Variants in TSNARE1 observed in about 807,000 individuals in gnomAD.
TSNARE1 encodes t-SNARE domain-containing protein 1.
Under a neutral mutation model 62.0 loss-of-function variants are expected in TSNARE1, and 49 were observed. The observed-to-expected ratio is 0.79, with a 90% CI of 0.63 to 1.00. TSNARE1 has a LOEUF of 1.00. TSNARE1 is among the 50% of genes least tolerant of loss of function. TSNARE1 has a pLI of 0.00. For missense variants in TSNARE1, 755 were observed against 700.1 expected (o/e 1.08, Z -0.88); for synonymous variants, 328 against 294.4 (o/e 1.11, Z -1.17).
chr8:142,280,310 T>C (rs1821206358), intron 11 of TSNARE1: 1 of 985,334 alleles, frequency 1.0e-6, no homozygotes. Context: ...CAGATGGCTT[T>C]GCTGCTGCTG....
At chr8:142,233,726 C>T (rs910817755) in intron 12 of TSNARE1, among the ~76,000 whole-genome samples, 6 of 152,156 alleles carry the variant, frequency 3.9e-5, no homozygotes, top group Non-Finnish European at 8.8e-5. Context: ...TTTTGGAAGG[C>T]GGCTTGCTCC....
chr8:142,320,552 T>C (rs868385989), intron 6 of TSNARE1, among the ~76,000 whole-genome samples: 10 of 146,546 alleles, frequency 6.8e-5, no homozygotes, highest in Non-Finnish European at 1.4e-4. Context: ...TGGCCTCCTG[T>C]ACCTGCAACT....
At chr8:142,256,709 G>C (rs1818603490) in intron 12 of TSNARE1, among the ~76,000 whole-genome samples, 1 of 152,070 alleles carries the variant, frequency 6.6e-6, no homozygotes, top group South Asian at 2.1e-4. Flanking sequence ...TTACAGGAGA[G>C]CGCAATGAGG....
intron 12 of TSNARE1, among the ~76,000 whole-genome samples, chr8:142,256,365 CATCATCA>C (rs1818563973): frequency 7.0e-6 from 1 of 143,184 alleles, no homozygotes; most frequent in African/African-American, 2.6e-5. Flanking sequence ...TTATCACCAC[CATCATCA>C]CCACCATCAT....
Position 142,318,553 on chromosome 8 carries a change from G to C in TSNARE1, c.975C>G (p.Ser325Arg). The change falls in exon 7 of 14, where the codon AGC becomes AGG. Residue 325 changes from serine (S) to arginine (R), a missense_variant. Physicochemically the swap from Ser to Arg is moderately radical, Grantham distance 110 (BLOSUM62 -1). Coordinates refer to ENST00000524325, the MANE Select transcript of TSNARE1 (RefSeq NM_145003.5). Reference sequence around the variant, plus strand: ...GACCCCAGGAACATACCGGGCAGGAGCTGCGCAGCAGCTCGGCCATCTGCT... The same window carrying C: ...GACCCCAGGAACATACCGGGCAGGACCTGCGCAGCAGCTCGGCCATCTGCT... ...SVKQMAELLR[S>R]SCPQERLQQE... is the part of the protein sequence containing the mutation. The C allele has an allele frequency of 6.2e-7, 1 of 1,613,010 alleles. No individual in the cohort carries two copies. Among genetic ancestry groups the C allele is most frequent in the Non-Finnish European group, 8.5e-7 (1 of 1,179,964 alleles).
intron 12 of TSNARE1, chr8:142,270,346 C>T (rs1819411657): frequency 1.0e-6 from 1 of 985,464 alleles, no homozygotes; most frequent in Non-Finnish European, 1.2e-6. Context: ...CAGGCTCCAA[C>T]TCACGTGCTC....
chr8:142,405,937 C>A (rs1838577967), upstream of TSNARE1: 1 of 152,326 alleles, frequency 6.6e-6, no homozygotes, highest in Admixed American at 6.6e-5. Context: ...GCAACAGAAC[C>A]CCAGTTTTGT....
At chr8:142,389,604 A>G (rs1315073795) in intron 1 of TSNARE1, among the ~76,000 whole-genome samples, 1 of 152,214 alleles carries the variant, frequency 6.6e-6, no homozygotes, top group Non-Finnish European at 1.5e-5. Flanking sequence ...CAGTCTGAGC[A>G]TATCCACACC....
At chr8:142,256,125 C>T (rs1376125093) in intron 12 of TSNARE1, among the ~76,000 whole-genome samples, 36 of 138,328 alleles carry the variant, frequency 2.6e-4, no homozygotes, top group Non-Finnish European at 1.2e-4. Context: ...CCATCACCAC[C>T]ATCATCACCG....
At chr8:142,327,206 A>G (rs1158030912) in intron 6 of TSNARE1, among the ~76,000 whole-genome samples, 1 of 152,252 alleles carries the variant, frequency 6.6e-6, no homozygotes, top group East Asian at 1.9e-4. Context: ...AAATGAAGTC[A>G]CCCAAATGCC....
At chr8:142,328,491 A>G (rs1830559900) in intron 6 of TSNARE1, among the ~76,000 whole-genome samples, 1 of 152,238 alleles carries the variant, frequency 6.6e-6, no homozygotes, top group Admixed American at 6.5e-5. Flanking sequence ...TAAGGGATAA[A>G]TATTCTTGCC....
chr8:142,274,720 G>T, intron 12 of TSNARE1, 61 bp downstream of exon 12: 2 of 1,430,860 alleles, frequency 1.4e-6, no homozygotes, highest in South Asian at 1.5e-5. Context: ...CGGAGGGAGG[G>T]TTGGAGGATA....
At chr8:142,401,059 G>C (rs974139454) in intron 1 of TSNARE1, among the ~76,000 whole-genome samples, 2 of 152,164 alleles carry the variant, frequency 1.3e-5, no homozygotes, top group Non-Finnish European at 2.9e-5. Flanking sequence ...AGCCATGGTC[G>C]AGGCATGTTT....
intron 6 of TSNARE1, among the ~76,000 whole-genome samples, chr8:142,329,377 T>G (rs1485514504): frequency 6.6e-6 from 1 of 152,146 alleles, no homozygotes. Flanking sequence ...CAGCGGGTGG[T>G]GTCGGTCTTC....
intron 9 of TSNARE1, among the ~76,000 whole-genome samples, chr8:142,304,204 C>T (rs1293686186): frequency 1.3e-5 from 2 of 152,228 alleles, no homozygotes; most frequent in African/African-American, 2.4e-5. Context: ...CTGGAGTGGG[C>T]GGGAGGAAGT....
At position 142,344,454 on chromosome 8, in the gene TSNARE1, T is replaced by C; in HGVS notation, c.257A>G (p.Glu86Gly). 6.4e-7 allele frequency: 1 copy of C among 1,571,292 alleles called. No individual in the cohort carries two copies. Among genetic ancestry groups the C allele is most frequent in the Admixed American group, 1.9e-5 (1 of 52,346 alleles). Residue 86 changes from glutamate (E) to glycine (G), a missense_variant, in exon 4 of 14, where the codon GAA (glutamate) becomes GGA (glycine). Coordinates refer to ENST00000524325, the MANE Select transcript of TSNARE1 (RefSeq NM_145003.5). The part of the protein sequence containing the change: ...ARKRGPGVAP[E>G]GSRMPEPTSS... Reference sequence around the variant, plus strand: ...GGTGGGCTCCGGCATCCGGCTGCCTTCAGGGGCAACCCCAGGCCCTGGAAA... The same window carrying C: ...GGTGGGCTCCGGCATCCGGCTGCCTCCAGGGGCAACCCCAGGCCCTGGAAA...
At chr8:142,336,241 G>A (rs929116020) in intron 4 of TSNARE1, among the ~76,000 whole-genome samples, 2 of 131,220 alleles carry the variant, frequency 1.5e-5, no homozygotes, top group African/African-American at 3.0e-5. Context: ...TGATCACACC[G>A]CTACATTTTA....
chr8:142,366,106 A>T (rs1303112268), intron 1 of TSNARE1: 18 of 291,536 alleles, frequency 6.2e-5, no homozygotes, highest in Non-Finnish European at 1.1e-4. Context: ...GCACAATCTC[A>T]GCTCACTGTA....
intron 11 of TSNARE1, 81 bp from the exon 12 acceptor site, chr8:142,274,944 C>A: frequency 7.1e-7 from 1 of 1,407,212 alleles, no homozygotes; most frequent in Admixed American, 3.2e-5. Flanking sequence ...AAAGGCAAGC[C>A]CAGGGAGCCT....
Sources: gnomAD v4.1 joint callset for allele counts (sites outside exome capture counted in the v4.1 genomes callset) on GRCh38, gnomAD v4.1.1 for gene constraint, MANE v1.5 for transcripts, NCBI Gene and HGNC (gene_info 2026-07-23, HGNC 2026-07-21) for gene names.